TSC22D1: variants seen among roughly 807,000 people sequenced by gnomAD.
TSC22D1 encodes the protein TSC22 domain family protein 1.
Under a neutral mutation model 74.2 loss-of-function variants are expected in TSC22D1, and 9 were observed. The observed-to-expected ratio is 0.12, with a 90% confidence interval of 0.07 to 0.21. TSC22D1 has a LOEUF of 0.21. Among genes scored for constraint, TSC22D1 ranks in the 10% least tolerant of loss-of-function variants. The pLI is 1.00. For missense variants in TSC22D1, 1,427 were observed against 1,304.7 expected, an observed-to-expected ratio of 1.09 and a Z score of -1.44; for synonymous variants, 586 against 492.5, an observed-to-expected ratio of 1.19 and a Z score of -2.51.
intron 1 of TSC22D1, among the ~76,000 whole-genome samples, chr13:44,521,670 T>G (rs1295700122): frequency 7.0e-6 from 1 of 142,382 alleles, no homozygotes; most frequent in Non-Finnish European, 1.5e-5. Context: ...TGAATAAAAG[T>G]GACAAAGAAT....
intron 1 of TSC22D1, among the ~76,000 whole-genome samples, chr13:44,473,667 G>C (rs2137913947): frequency 6.6e-6 from 1 of 152,040 alleles, no homozygotes; most frequent in East Asian, 1.9e-4. Context: ...AATTAAGCTA[G>C]TCAGGCCAGC....
chr13:44,473,505 A>AT (rs1555266080), intron 1 of TSC22D1, among the ~76,000 whole-genome samples: 10 of 152,244 alleles, frequency 6.6e-5, no homozygotes, highest in South Asian at 6.2e-4. Context: ...CTAAAAATAA[A>AT]AAATAAATAA....
In TSC22D1 at chr13:44,432,966, C is replaced by T. The variant is rs1874173909; in HGVS notation, c.*1660G>A. Reference sequence around the variant, plus strand: ...CATGCAGAATCAACTGCAAGGACATCCTTGCTCATCTGGTCCCACCTCAAA... The same window carrying T: ...CATGCAGAATCAACTGCAAGGACATTCTTGCTCATCTGGTCCCACCTCAAA... On this transcript the variant is annotated 3_prime_UTR_variant, in exon 3 of 3. Transcript: ENST00000458659. The T allele has an allele frequency of 6.6e-6, 1 of 152,194 alleles. No individual in the cohort carries two copies. Among genetic ancestry groups the T allele is most frequent in the Non-Finnish European group, 1.5e-5 (1 of 68,044 alleles). The allele number at this position is 152,194 out of a possible 1,614,324, so 9.4% of individuals were successfully genotyped here. A position where few individuals can be genotyped will look rare whatever the true frequency, so the allele number is the denominator to read the frequency against.
chr13:44,464,234 T>C (rs1877146700), intron 1 of TSC22D1, among the ~76,000 whole-genome samples: 1 of 152,222 alleles, frequency 6.6e-6, no homozygotes, highest in African/African-American at 2.4e-5. Context: ...GTGACTGTAA[T>C]AGAAGAAGAC....
chr13:44,570,240 G>A (rs1648349124), intron 1 of TSC22D1, among the ~76,000 whole-genome samples: 1 of 150,794 alleles, frequency 6.6e-6, no homozygotes, highest in African/African-American at 2.4e-5. Flanking sequence ...ACCCAGGCTG[G>A]AGTGCAGTGG....
chr13:44,524,548 T>C (rs770717469), intron 1 of TSC22D1, among the ~76,000 whole-genome samples: 1 of 152,148 alleles, frequency 6.6e-6, no homozygotes, highest in Admixed American at 6.5e-5. Context: ...CCATGATTTT[T>C]TTTGTTTGTT....
At position 44,576,001 on chromosome 13, in the gene TSC22D1, G is replaced by T; in HGVS notation, c.74C>A (p.Pro25Gln). 6.3e-7 allele frequency: 1 copy of T among 1,592,442 alleles called. No homozygotes were observed. The highest frequency in any genetic ancestry group is 2.3e-5 in the East Asian group (1 of 43,772). ...GCTGCCCCTTCGAGGGAACATTGCC[G>T]GGTGCGCCATCTTCCTAGCGCTAAT... Reference protein sequence around the residue: ...ADISARKMAHPAMFPRRGSGS... With the variant: ...ADISARKMAHQAMFPRRGSGS... Residue 25 changes from proline to glutamine, a missense_variant, in exon 1 of 3, where the codon CCG becomes CAG. Transcript: ENST00000458659.
Position 44,517,855 on chromosome 13 carries a change from A to ATTTTTTT in TSC22D1, c.2912+55307_2912+55308insAAAAAAA, listed in dbSNP as rs1262351609. Among the ~76,000 whole-genome samples, 83 of 23,552 alleles carry ATTTTTTT rather than the reference A, an allele frequency of 3.5e-3. 1 individual carries two copies. The highest frequency in any genetic ancestry group is 5.1e-3 in the African/African-American group (46 of 9,050). The allele number at this position is 23,552 out of a possible 152,430, so 15.5% of individuals were successfully genotyped here. A position where few individuals can be genotyped will look rare whatever the true frequency, so the allele number is the denominator to read the frequency against. On this transcript the variant is annotated intron_variant, in intron 1 of 2. Transcript: ENST00000458659. ...TATATATATATATATATATATATAT[A>ATTTTTTT]TATTTTTTTTTTTTTTTTTTTTTTA... is the stretch of plus-strand genomic sequence containing the variant.
intron 1 of TSC22D1, among the ~76,000 whole-genome samples, chr13:44,481,566 T>A (rs1044774038): frequency 2.0e-5 from 3 of 152,236 alleles, no homozygotes; most frequent in Admixed American, 6.5e-5. Flanking sequence ...GACACTTTCA[T>A]TTGTTCATTC....
At chr13:44,528,222 A>G (rs1481132926) in intron 1 of TSC22D1, among the ~76,000 whole-genome samples, 1 of 152,108 alleles carries the variant, frequency 6.6e-6, no homozygotes, top group Non-Finnish European at 1.5e-5. Context: ...AGGCTACTTC[A>G]TCCAACAACA....
chr13:44,575,757 T>C lies in TSC22D1; in HGVS notation c.318A>G (p.Lys106=), dbSNP rs1477483541. Residue 106 remains lysine, a synonymous_variant, in exon 1 of 3, where the codon AAA becomes AAG. Transcript: ENST00000458659. ...TAGTTATCTGGAAGCCACTTTTCTT[T>C]TTCATTTGAGTTCCGCCTGGCGCAA... The part of the protein sequence containing the change: ...QPLAPGGTQM[K]KKSGFQITSV... 1 of 1,614,186 alleles carries C rather than the reference T, an allele frequency of 6.2e-7. No individual in the cohort carries two copies. The highest frequency in any genetic ancestry group is 1.7e-5 in the Admixed American group (1 of 60,026).
At chr13:44,508,131 T>A (rs1052048947) in intron 1 of TSC22D1, among the ~76,000 whole-genome samples, 4 of 152,146 alleles carry the variant, frequency 2.6e-5, no homozygotes, top group Non-Finnish European at 5.9e-5. Context: ...CTGACAAGTG[T>A]TTTGCTTTTT....
At chr13:44,436,738 C>T (rs1474181599) in intron 1 of TSC22D1, 4 of 1,487,876 alleles carry the variant, frequency 2.7e-6, no homozygotes, top group Admixed American at 2.4e-5. Context: ...AAACAGAAAA[C>T]GGCAGCCCTA....
intron 1 of TSC22D1, among the ~76,000 whole-genome samples, chr13:44,470,914 C>G (rs1417687847): frequency 6.6e-6 from 1 of 152,164 alleles, no homozygotes; most frequent in Non-Finnish European, 1.5e-5. Context: ...ACTGACCACT[C>G]CATCTTAATC....
At chr13:44,448,935 G>A (rs1257351863) in intron 1 of TSC22D1, among the ~76,000 whole-genome samples, 1 of 151,888 alleles carries the variant, frequency 6.6e-6, no homozygotes, top group Non-Finnish European at 1.5e-5. Context: ...AGACCTGGAA[G>A]AATAAAGGGA....
chr13:44,440,691 G>A (rs1316556729), intron 1 of TSC22D1, among the ~76,000 whole-genome samples: 1 of 151,368 alleles, frequency 6.6e-6, no homozygotes, highest in Non-Finnish European at 1.5e-5. Context: ...GAGAACAGAA[G>A]GAAGAGAATT....
At chr13:44,467,803 T>C (rs1291723674) in intron 1 of TSC22D1, among the ~76,000 whole-genome samples, 1 of 152,082 alleles carries the variant, frequency 6.6e-6, no homozygotes, top group Non-Finnish European at 1.5e-5. Context: ...TGGTGGGAAA[T>C]TGGTACAACC....
chr13:44,570,858 T>C (rs1883717851), intron 1 of TSC22D1, among the ~76,000 whole-genome samples: 1 of 152,234 alleles, frequency 6.6e-6, no homozygotes, highest in Non-Finnish European at 1.5e-5. Context: ...TATCACTGTT[T>C]TCTCTTGTAG....
intron 1 of TSC22D1, among the ~76,000 whole-genome samples, chr13:44,556,360 C>A (rs1882638978): frequency 6.6e-6 from 1 of 151,750 alleles, no homozygotes; most frequent in Non-Finnish European, 1.5e-5. Context: ...GCCTGACCAA[C>A]ATGGTGAAAC....
Sources: gnomAD v4.1 joint callset for allele counts (sites outside exome capture counted in the v4.1 genomes callset) on GRCh38, gnomAD v4.1.1 for gene constraint, MANE v1.5 for transcripts, NCBI Gene and HGNC (gene_info 2026-07-23, HGNC 2026-07-21) for gene names.